UBA52: variants seen among roughly 807,000 people sequenced by gnomAD.
The protein encoded by UBA52 is ubiquitin A-52 residue ribosomal protein fusion product 1, also known as ubiquitin-ribosomal protein eL40 fusion protein.
Under a neutral mutation model 15.3 loss-of-function variants are expected in UBA52, and 1 was observed. The observed-to-expected ratio is 0.07, with a 90% CI of 0.02 to 0.31. The LOEUF is 0.31. Among genes scored for constraint, UBA52 ranks in the 10% least tolerant of loss-of-function variants. UBA52 has a pLI of 1.00. For synonymous variants in UBA52, 50 were observed against 58.3 expected (o/e 0.86, Z 0.65); for missense variants, 87 against 168.0 (o/e 0.52, Z 2.66).
chr19:18,565,088 T>C, the UBA52 span: 1 of 1,581,438 alleles, frequency 6.3e-7, no homozygotes, highest in Non-Finnish European at 8.6e-7. Flanking sequence ...AGCCTCAGTT[T>C]CCTTCACATA....
At chr19:18,564,787 T>C in the UBA52 span, 2 of 1,507,684 alleles carry the variant, frequency 1.3e-6, no homozygotes, top group Non-Finnish European at 1.8e-6. Context: ...AGGCAAGGGC[T>C]TGGCATGAAC....
At chr19:18,567,229 C>T (rs1269729046), upstream of UBA52, 1 of 1,593,140 alleles carries the variant, frequency 6.3e-7, no homozygotes, top group African/African-American at 1.3e-5. Context: ...ACTCTCCACC[C>T]AGGGCAGGCT....
chr19:18,565,230 GTT>G, the UBA52 span: 8,911 of 1,067,130 alleles, frequency 8.4e-3, no homozygotes, highest in South Asian at 0.017. Context: ...TCGAGACAGA[GTT>G]TTTTTTTTTT....
upstream of UBA52, chr19:18,568,773 C>G: frequency 1.6e-6 from 1 of 637,448 alleles, no homozygotes; most frequent in Non-Finnish European, 2.7e-6. Context: ...AAGGCTCTCT[C>G]CCGAGGGGTG....
chr19:18,572,902 C>A, intron 1 of UBA52: 1 of 1,083,898 alleles, frequency 9.2e-7, no homozygotes, highest in Non-Finnish European at 1.1e-6. Context: ...ACCTGGCTGC[C>A]GTGGAAGAGG....
At chr19:18,566,850 G>C (rs953110649), upstream of UBA52, among the ~76,000 whole-genome samples, 4 of 152,196 alleles carry the variant, frequency 2.6e-5, no homozygotes, top group African/African-American at 9.7e-5. Context: ...AGCCTCGCAG[G>C]GGGAGCCCCC....
rs1975735512 is a variant in UBA52 at position 18,575,291 on chromosome 19, A to C, written c.*141A>C. 1.0e-6 allele frequency: 1 copy of C among 982,354 alleles called. No homozygotes were observed. Among genetic ancestry groups the C allele is most frequent in the African/African-American group, 1.6e-5 (1 of 61,832 alleles). The allele number at this position is 982,354 out of a possible 1,614,324, so 60.9% of individuals were successfully genotyped here. A position where few individuals can be genotyped will look rare whatever the true frequency, so the allele number is the denominator to read the frequency against. On this transcript the variant is annotated 3_prime_UTR_variant, in exon 5 of 5. Transcript: ENST00000442744. ...CCAGGGAGGTGGCTGAAGAGTGGGC[A>C]TCTCCCTTAGGGACTCTACTCAGCA... is the stretch of plus-strand genomic sequence containing the variant.
At position 18,576,253 on chromosome 19, in the gene UBA52, CT is replaced by C. The variant is rs1975779170; in HGVS notation, c.*1106del. ...ACTCAGGCTTGGGTGATCCTCTCTCCTTTGCCTCCGAAGTAGCCAGGACTAC... is the reference window on the plus strand; with the variant it reads ...ACTCAGGCTTGGGTGATCCTCTCTCCTTGCCTCCGAAGTAGCCAGGACTAC... On this transcript the variant is annotated 3_prime_UTR_variant, in exon 5 of 5. Transcript: ENST00000442744. 6.6e-6 allele frequency: 1 copy of C among 152,294 alleles called. No individual in the cohort carries two copies. Among genetic ancestry groups the C allele is most frequent in the Admixed American group, 6.5e-5 (1 of 15,272 alleles). The allele number at this position is 152,294 out of a possible 1,614,324, so 9.4% of individuals were successfully genotyped here.
chr19:18,567,451 T>C (rs1451227901), upstream of UBA52: 2 of 701,052 alleles, frequency 2.9e-6, no homozygotes, highest in East Asian at 2.7e-5. Context: ...CTGTGTGCAT[T>C]ATGAGCCATC....
upstream of UBA52, chr19:18,568,314 C>A: frequency 1.1e-6 from 1 of 933,066 alleles, no homozygotes; most frequent in South Asian, 1.5e-5. Flanking sequence ...GGGGTGAGGG[C>A]AGCCGTTAGG....
At chr19:18,573,607 A>C (rs1007118250) in intron 2 of UBA52, 55 bp from the exon 3 acceptor site, 24 of 1,577,224 alleles carry the variant, frequency 1.5e-5, no homozygotes, top group Non-Finnish European at 1.9e-5. Context: ...CCTGCAGAGG[A>C]CACTGCCAGT....
chr19:18,567,045 C>A, upstream of UBA52: 3 of 1,261,336 alleles, frequency 2.4e-6, no homozygotes, highest in South Asian at 1.2e-5. Context: ...CCCTTGCCCT[C>A]AGCTGGCAGC....
chr19:18,568,610 CGAG>C (rs771556137), upstream of UBA52: 5 of 1,611,678 alleles, frequency 3.1e-6, no homozygotes, highest in Admixed American at 1.7e-5. Context: ...AGACAGATGA[CGAG>C]GAGATGACGG....
upstream of UBA52, among the ~76,000 whole-genome samples, chr19:18,566,757 C>T (rs1183797799): frequency 1.3e-5 from 2 of 151,450 alleles, no homozygotes; most frequent in East Asian, 3.9e-4. Context: ...GGCACCACTG[C>T]ACTCCACCCT....
upstream of UBA52, chr19:18,571,787 A>T (rs1341005990): frequency 3.9e-5 from 6 of 152,082 alleles, no homozygotes; most frequent in Admixed American, 2.6e-4. Context: ...GCGAATTGTG[A>T]CGCAGGCGTC....
chr19:18,570,372 A>G (rs1261172252), upstream of UBA52, among the ~76,000 whole-genome samples: 2 of 151,450 alleles, frequency 1.3e-5, no homozygotes, highest in African/African-American at 4.9e-5. Context: ...TTCAAAATAA[A>G]ACTTTTTTTT....
Position 18,576,997 on chromosome 19 carries a change from T to TTTTTA in UBA52, c.*1848_*1849insTTTAT, listed in dbSNP as rs1975814884. 1 of 150,088 alleles carries TTTTTA rather than the reference T, an allele frequency of 6.7e-6. No individual in the cohort carries two copies. Among genetic ancestry groups the TTTTTA allele is most frequent in the South Asian group, 2.1e-4 (1 of 4,718 alleles). The allele number at this position is 150,088 out of a possible 1,614,324, so 9.3% of individuals were successfully genotyped here. ...TACATTTTTTTTTTTTTTTTTTTTTTTACAGACATGGTCTCGCTATGTTGC... is the reference window on the plus strand; with the variant it reads ...TACATTTTTTTTTTTTTTTTTTTTTTTTTTATACAGACATGGTCTCGCTATGTTGC... On this transcript the variant is annotated 3_prime_UTR_variant, in exon 5 of 5. Transcript: ENST00000442744.
At chr19:18,574,290 G>T (rs918177078) in intron 3 of UBA52, among the ~76,000 whole-genome samples, 1 of 151,752 alleles carries the variant, frequency 6.6e-6, no homozygotes, top group Non-Finnish European at 1.5e-5. Context: ...GGAGCGACAA[G>T]AATTCAGTGT....
chr19:18,575,113 A>G lies in UBA52; in HGVS notation c.350A>G (p.His117Arg). Reference sequence around the variant, plus strand: ...AACTGCCGCAAGAAGAAGTGTGGTCACACCAACAACCTGCGTCCCAAGAAG... The same window carrying G: ...AACTGCCGCAAGAAGAAGTGTGGTCGCACCAACAACCTGCGTCCCAAGAAG... ...AVNCRKKKCG[H>R]TNNLRPKKKV... The change falls in exon 5 of 5, where the codon CAC becomes CGC. Residue 117 changes from histidine (H) to arginine (R), a missense_variant. Transcript: ENST00000442744. 1 of 1,614,194 alleles carries G rather than the reference A, an allele frequency of 6.2e-7. No homozygotes were observed. The highest frequency in any genetic ancestry group is 8.5e-7 in the Non-Finnish European group (1 of 1,180,036).
Sources: gnomAD v4.1 joint callset for allele counts (sites outside exome capture counted in the v4.1 genomes callset) on GRCh38, gnomAD v4.1.1 for gene constraint, MANE v1.5 for transcripts, NCBI Gene and HGNC (gene_info 2026-07-23, HGNC 2026-07-21) for gene names.